NRG1: variants seen among roughly 807,000 people sequenced by gnomAD.
The protein encoded by NRG1 is pro-neuregulin-1, membrane-bound isoform.
In NRG1, 18 loss-of-function variants were observed where a neutral mutation model predicts 63.8. The observed-to-expected ratio is 0.28, with a 90% confidence interval of 0.19 to 0.42. NRG1 has a LOEUF of 0.42. NRG1 is among the 10% of genes least tolerant of loss of function. The pLI, the probability that NRG1 is intolerant of heterozygous loss-of-function variation, is 1.00. For missense variants in NRG1, 762 were observed against 814.7 expected (o/e 0.94, Z 0.79); for synonymous variants, 302 against 301.3 (o/e 1.00, Z -0.02).
At chr8:32,701,099 C>T (rs1242074894) in intron 5 of NRG1, among the ~76,000 whole-genome samples, 1 of 152,108 alleles carries the variant, frequency 6.6e-6, no homozygotes, top group Non-Finnish European at 1.5e-5. Context: ...TTCCAGAAGT[C>T]GGGTCCTGTT....
intron 1 of NRG1, among the ~76,000 whole-genome samples, chr8:32,220,542 C>T (rs1251471661): frequency 6.6e-6 from 1 of 152,154 alleles, no homozygotes; most frequent in African/African-American, 2.4e-5. Flanking sequence ...TAAAAAGCCC[C>T]ATTTCCAGAA....
At chr8:31,903,963 A>T (rs910032608) in intron 1 of NRG1, among the ~76,000 whole-genome samples, 4 of 152,166 alleles carry the variant, frequency 2.6e-5, no homozygotes, top group Non-Finnish European at 5.9e-5. Context: ...AAACAAAAAA[A>T]AATTTCTCTC....
At chr8:32,394,466 A>AT (rs1355579007) in intron 1 of NRG1, among the ~76,000 whole-genome samples, 1 of 152,284 alleles carries the variant, frequency 6.6e-6, no homozygotes, top group East Asian at 1.9e-4. Context: ...CAGGACTGAC[A>AT]TTTTGCAAGT....
chr8:32,104,836 T>TCATCTCCTATAA (rs1831053733), intron 1 of NRG1, among the ~76,000 whole-genome samples: 1 of 152,080 alleles, frequency 6.6e-6, no homozygotes, highest in Non-Finnish European at 1.5e-5. Flanking sequence ...CACGAAGCTG[T>TCATCTCCTATAA]CATCTCCTAT....
At chr8:32,020,195 A>C (rs1197152257) in intron 1 of NRG1, among the ~76,000 whole-genome samples, 3 of 152,144 alleles carry the variant, frequency 2.0e-5, no homozygotes, top group African/African-American at 4.8e-5. Flanking sequence ...AATGTGTTCT[A>C]TTTTGGAATA....
At chr8:32,498,393 C>T (rs774485523) in intron 1 of NRG1, among the ~76,000 whole-genome samples, 3 of 152,100 alleles carry the variant, frequency 2.0e-5, no homozygotes, top group African/African-American at 4.8e-5. Flanking sequence ...TTCTGCAGGG[C>T]GTGGAGGCCT....
intron 1 of NRG1, among the ~76,000 whole-genome samples, chr8:31,886,685 T>C (rs1348935973): frequency 6.6e-6 from 1 of 152,068 alleles, no homozygotes; most frequent in Non-Finnish European, 1.5e-5. Context: ...TGATATGTGT[T>C]CGGAGGGGGA....
At chr8:31,960,900 A>T (rs1262135803) in intron 1 of NRG1, among the ~76,000 whole-genome samples, 2 of 152,170 alleles carry the variant, frequency 1.3e-5, no homozygotes, top group Non-Finnish European at 2.9e-5. Flanking sequence ...AGCAGTTATT[A>T]TTTGTTGTAC....
chr8:31,919,880 G>C (rs1364104315), intron 1 of NRG1, among the ~76,000 whole-genome samples: 1 of 151,978 alleles, frequency 6.6e-6, no homozygotes, highest in East Asian at 1.9e-4. Context: ...GGGTAGAAGA[G>C]AAAAAAACAT....
At chr8:32,708,684 A>G (rs1034031960) in intron 5 of NRG1, among the ~76,000 whole-genome samples, 1 of 152,214 alleles carries the variant, frequency 6.6e-6, no homozygotes, top group Non-Finnish European at 1.5e-5. Flanking sequence ...AGCCTATGAG[A>G]TCATGTGTAT....
At chr8:32,019,184 C>T (rs1046181999) in intron 1 of NRG1, among the ~76,000 whole-genome samples, 1 of 152,172 alleles carries the variant, frequency 6.6e-6, no homozygotes, top group Non-Finnish European at 1.5e-5. Context: ...CTGCAAGCTC[C>T]GTCTCCCAGG....
chr8:31,678,394 T>A (rs898565490), intron 1 of NRG1, among the ~76,000 whole-genome samples: 4 of 152,150 alleles, frequency 2.6e-5, no homozygotes, highest in Non-Finnish European at 5.9e-5. Context: ...ACATAAACAC[T>A]TATTAACAAT....
At chr8:32,361,040 G>A (rs1341154412) in intron 1 of NRG1, among the ~76,000 whole-genome samples, 2 of 152,110 alleles carry the variant, frequency 1.3e-5, no homozygotes, top group African/African-American at 4.8e-5. Flanking sequence ...TTGGCTGTCC[G>A]AACTTCAATC....
At chr8:32,527,955 G>A (rs1167491327) in intron 1 of NRG1, among the ~76,000 whole-genome samples, 3 of 152,116 alleles carry the variant, frequency 2.0e-5, no homozygotes, top group African/African-American at 7.2e-5. Flanking sequence ...ACCCAGGCGT[G>A]GTCATGGTTG....
At chr8:31,907,309 C>G (rs1196121499) in intron 1 of NRG1, among the ~76,000 whole-genome samples, 1 of 149,778 alleles carries the variant, frequency 6.7e-6, no homozygotes, top group African/African-American at 2.5e-5. Context: ...ACTAAATTGA[C>G]AAGTCCAAAT....
At chr8:31,803,718 G>T (rs1340371950) in intron 1 of NRG1, among the ~76,000 whole-genome samples, 1 of 152,130 alleles carries the variant, frequency 6.6e-6, no homozygotes, top group African/African-American at 2.4e-5. Flanking sequence ...TAAAATCCTA[G>T]AATGACTTCC....
intron 6 of NRG1, among the ~76,000 whole-genome samples, chr8:32,733,929 C>T (rs1179118107): frequency 1.3e-5 from 2 of 152,090 alleles, no homozygotes; most frequent in African/African-American, 4.8e-5. Flanking sequence ...CTCTGAGACA[C>T]GGTAACATGC....
At chr8:32,464,305 G>A (rs550260877) in intron 1 of NRG1, among the ~76,000 whole-genome samples, 1 of 101,794 alleles carries the variant, frequency 9.8e-6, no homozygotes, top group East Asian at 2.7e-4. Context: ...CCATGATGTC[G>A]TCAACACAGA....
Position 32,507,166 on chromosome 8 carries a change from A to G in NRG1, c.38-88662A>G, listed in dbSNP as rs1828635434. Among the ~76,000 whole-genome samples, 5 of 66,390 alleles carry G rather than the reference A, an allele frequency of 7.5e-5. 2 individuals carry two copies. The Admixed American group carries it at 1.1e-3, about 15-fold the overall frequency. The allele number at this position is 66,390 out of a possible 152,430, so 43.6% of individuals were successfully genotyped here. A position where few individuals can be genotyped will look rare whatever the true frequency, so the allele number is the denominator to read the frequency against. ...AATGGTGAAAAAAATCCTTTATAGA[A>G]GTACAAAGATGGAGCATGCCTCTTA... On this transcript the variant is annotated intron_variant, in intron 1 of 10. Transcript: ENST00000519301.
Sources: allele counts gnomAD v4.1 joint callset (sites outside exome capture counted in the v4.1 genomes callset), GRCh38; gene constraint gnomAD v4.1.1; transcripts MANE v1.5; gene names NCBI Gene and HGNC (gene_info 2026-07-23, HGNC 2026-07-21).